UNC13C: variants seen among roughly 807,000 people sequenced by gnomAD.
The protein encoded by UNC13C is unc-13 homolog C, also known as protein unc-13 homolog C.
Under a neutral mutation model 245.4 loss-of-function variants are expected in UNC13C, and 174 were observed. The ratio of observed to expected loss-of-function variants is 0.71; its 90% CI spans 0.63 to 0.80. The LOEUF (loss-of-function observed/expected upper bound fraction) is 0.80. Ranked by LOEUF, UNC13C falls within the 30% of genes least tolerant of loss-of-function variation. The pLI, the probability that UNC13C is intolerant of heterozygous loss-of-function variation, is 0.00. For synonymous variants in UNC13C, 992 were observed against 895.1 expected (o/e 1.11, Z -1.93); for missense variants, 2,829 against 2,602.9 (o/e 1.09, Z -1.89).
chr15:54,142,981 C>A (rs747078712), intron 2 of UNC13C, 37 bp from the exon 3 acceptor site: 2 of 1,598,936 alleles, frequency 1.3e-6, no homozygotes, highest in East Asian at 4.5e-5. Flanking sequence ...AGTACTCCAT[C>A]TAACATTTAT....
At chr15:53,943,528 G>C in the UNC13C span, among the ~76,000 whole-genome samples, 3 of 152,060 alleles carry the variant, frequency 2.0e-5, no homozygotes, top group Admixed American at 6.6e-5. Flanking sequence ...AGAAATTTTG[G>C]AAGAACTGAT....
intron 26 of UNC13C, among the ~76,000 whole-genome samples, chr15:54,545,490 C>A (rs1264163540): frequency 1.3e-5 from 2 of 152,086 alleles, no homozygotes; most frequent in Non-Finnish European, 2.9e-5. Flanking sequence ...GCAAAAGAAA[C>A]CATCATCAGA....
intron 28 of UNC13C, among the ~76,000 whole-genome samples, chr15:54,554,320 G>A (rs1037704039): frequency 3.3e-5 from 5 of 151,986 alleles, no homozygotes; most frequent in Non-Finnish European, 7.4e-5. Context: ...AAGCCACTGG[G>A]TGTGATTGCG....
At chr15:54,203,894 ATATG>A (rs2034622454) in intron 4 of UNC13C, among the ~76,000 whole-genome samples, 2 of 80,890 alleles carry the variant, frequency 2.5e-5, no homozygotes, top group Admixed American at 1.5e-4. Context: ...GTGTATATGT[ATATG>A]TGTGTGTATA....
intron 4 of UNC13C, among the ~76,000 whole-genome samples, chr15:54,146,400 A>G (rs1258329355): frequency 2.6e-5 from 4 of 152,176 alleles, no homozygotes; most frequent in Non-Finnish European, 4.4e-5. Context: ...ACACACTAAA[A>G]CCAAATTAAT....
chr15:53,967,162 T>C, the UNC13C span, among the ~76,000 whole-genome samples: 2 of 152,006 alleles, frequency 1.3e-5, no homozygotes, highest in African/African-American at 4.8e-5. Flanking sequence ...TAGGTTACGG[T>C]TTATGTTTTG....
At position 54,250,325 on chromosome 15, in the gene UNC13C, A is replaced by C; in HGVS notation, c.3329A>C (p.Tyr1110Ser). The C allele has an allele frequency of 6.2e-7, 1 of 1,613,770 alleles. No individual in the cohort carries two copies. Among genetic ancestry groups the C allele is most frequent in the Non-Finnish European group, 8.5e-7 (1 of 1,179,842 alleles). ...FEVWTATTPT[Y>S]CYECEGLLWG... ...GTCTGGACGGCTACCACACCCACCT[A>C]CTGTTATGAGTGTGAAGGGCTCCTG... Residue 1110 changes from tyrosine (Y) to serine (S), a missense_variant, in exon 8 of 33, where the codon TAC becomes TCC. Transcript: ENST00000260323.
intron 13 of UNC13C, among the ~76,000 whole-genome samples, chr15:54,311,048 T>G (rs1419048769): frequency 6.6e-6 from 1 of 151,806 alleles, no homozygotes; most frequent in Non-Finnish European, 1.5e-5. Context: ...AGGAGCTACC[T>G]TCCTTAATTT....
chr15:53,851,895 T>G, the UNC13C span, among the ~76,000 whole-genome samples: 1 of 152,358 alleles, frequency 6.6e-6, no homozygotes. Flanking sequence ...CACCTTCCCC[T>G]GTACCTCATC....
intron 2 of UNC13C, among the ~76,000 whole-genome samples, chr15:54,130,204 C>A (rs530012170): frequency 1.3e-5 from 2 of 151,454 alleles, no homozygotes; most frequent in Admixed American, 1.3e-4. Context: ...ATTTGAATCA[C>A]CATTGTTGAT....
chr15:54,262,523 A>C lies in UNC13C; in HGVS notation c.3449-1645A>C, dbSNP rs774745004. On this transcript the variant is annotated intron_variant, in intron 8 of 32. Coordinates refer to ENST00000260323, the MANE Select transcript of UNC13C (RefSeq NM_001080534.3). The stretch of plus-strand genomic sequence containing the variant: ...CAGCCTAAGCTAATTTTACTATTTA[A>C]GAATTATGGACTGTGTAAACCAATA... Among the ~76,000 whole-genome samples, 5 of 152,330 alleles carry C rather than the reference A, an allele frequency of 3.3e-5. No homozygotes were observed. In the Middle Eastern group the frequency reaches 0.01, roughly 313 times the overall value.
chr15:53,845,884 TC>T, the UNC13C span, among the ~76,000 whole-genome samples: 29 of 152,060 alleles, frequency 1.9e-4, no homozygotes. Flanking sequence ...CATAAACAGT[TC>T]CCCGCTTAGG....
At chr15:54,111,233 CT>C (rs1238809175) in intron 2 of UNC13C, among the ~76,000 whole-genome samples, 21 of 152,292 alleles carry the variant, frequency 1.4e-4, no homozygotes, top group African/African-American at 5.1e-4. Flanking sequence ...TCCTTAGTGG[CT>C]TCCCATAATG....
At chr15:54,166,132 G>C (rs1325150534) in intron 4 of UNC13C, among the ~76,000 whole-genome samples, 3 of 151,850 alleles carry the variant, frequency 2.0e-5, no homozygotes, top group African/African-American at 7.3e-5. Flanking sequence ...TGTTATTATA[G>C]CATTATTGAT....
At chr15:54,479,950 G>C (rs2414321) in intron 19 of UNC13C, among the ~76,000 whole-genome samples, 62,767 of 151,786 alleles carry the variant, frequency 0.41, 13,240 homozygotes, top group East Asian at 0.62. Context: ...GCAGTTTTTT[G>C]TTGTTGCTGT....
chr15:54,285,243 G>C (rs1300704324), intron 10 of UNC13C, among the ~76,000 whole-genome samples: 2 of 151,640 alleles, frequency 1.3e-5, no homozygotes, highest in Non-Finnish European at 2.9e-5. Flanking sequence ...AGAATTTAAA[G>C]TGTTGAGGAC....
At chr15:53,902,311 C>T in the UNC13C span, among the ~76,000 whole-genome samples, 1 of 152,094 alleles carries the variant, frequency 6.6e-6, no homozygotes, top group African/African-American at 2.4e-5. Flanking sequence ...AGGAGACAGA[C>T]AGATTGAAGG....
intron 19 of UNC13C, among the ~76,000 whole-genome samples, chr15:54,454,453 C>A (rs1023267753): frequency 1.3e-5 from 2 of 151,926 alleles, no homozygotes; most frequent in African/African-American, 4.8e-5. Flanking sequence ...TGGCGGGCAC[C>A]TGTAATCCCA....
the UNC13C span, among the ~76,000 whole-genome samples, chr15:53,969,560 C>T: frequency 6.6e-6 from 1 of 151,780 alleles, no homozygotes; most frequent in Non-Finnish European, 1.5e-5. Context: ...GTGGCACACA[C>T]CTGTAGTCCC....
Sources: allele counts gnomAD v4.1 joint callset (sites outside exome capture counted in the v4.1 genomes callset), GRCh38; gene constraint gnomAD v4.1.1; transcripts MANE v1.5; gene names NCBI Gene and HGNC (gene_info 2026-07-23, HGNC 2026-07-21).